PLCZ1: variants seen among roughly 807,000 people sequenced by gnomAD.
PLCZ1 encodes the protein phospholipase C zeta 1, also known as 1-phosphatidylinositol 4,5-bisphosphate phosphodiesterase zeta-1.
In PLCZ1, 64 loss-of-function variants were observed where a neutral mutation model predicts 76.8. That is an observed-to-expected ratio of 0.83 (90% CI 0.68 to 1.03). The LOEUF is 1.03. Ranked by LOEUF, PLCZ1 falls within the 50% of genes least tolerant of loss-of-function variation. The pLI is 0.00. For missense variants in PLCZ1, 751 were observed against 713.7 expected (o/e 1.05, Z -0.60); for synonymous variants, 248 against 230.8 (o/e 1.07, Z -0.68).
chr12:18,688,261 AGTTAC>A, intron 12 of PLCZ1, 43 bp from the exon 13 acceptor site: 1 of 1,557,608 alleles, frequency 6.4e-7, no homozygotes, highest in Non-Finnish European at 8.7e-7. Flanking sequence ...CAAGATATTA[AGTTAC>A]ATCACCATTT....
chr12:18,723,217 T>A, intron 4 of PLCZ1, 94 bp downstream of exon 4: 1 of 1,121,178 alleles, frequency 8.9e-7, no homozygotes, highest in Non-Finnish European at 1.3e-6. Context: ...ATAACCACAA[T>A]TCATAAAAAT....
chr12:18,704,157 G>A (rs1253014722), intron 7 of PLCZ1, among the ~76,000 whole-genome samples: 1 of 152,084 alleles, frequency 6.6e-6, no homozygotes, highest in Non-Finnish European at 1.5e-5. Flanking sequence ...ATGTTAATGA[G>A]AGGACAACCA....
At chr12:18,659,740 T>G in the PLCZ1 span, among the ~76,000 whole-genome samples, 1 of 150,542 alleles carries the variant, frequency 6.6e-6, no homozygotes, top group African/African-American at 2.4e-5. Flanking sequence ...TTGTTAAATA[T>G]GTATACACGT....
chr12:18,696,671 C>T (rs1955093325), intron 10 of PLCZ1, among the ~76,000 whole-genome samples: 3 of 151,956 alleles, frequency 2.0e-5, no homozygotes, highest in Admixed American at 2.0e-4. Context: ...TTGATTTTCA[C>T]AGTAGGGCAG....
At chr12:18,728,962 T>C (rs138153738) in intron 3 of PLCZ1, among the ~76,000 whole-genome samples, 2 of 152,016 alleles carry the variant, frequency 1.3e-5, no homozygotes, top group South Asian at 2.1e-4. Flanking sequence ...TGATTCCAGG[T>C]AGCGGATTTG....
At chr12:18,674,215 T>A in the PLCZ1 span, among the ~76,000 whole-genome samples, 1 of 152,332 alleles carries the variant, frequency 6.6e-6, no homozygotes, top group African/African-American at 2.4e-5. Context: ...CTTTTAAATA[T>A]AAGCCACATA....
At chr12:18,718,907 T>C (rs1374500245) in intron 5 of PLCZ1, among the ~76,000 whole-genome samples, 4 of 152,196 alleles carry the variant, frequency 2.6e-5, no homozygotes, top group Non-Finnish European at 4.4e-5. Flanking sequence ...TTGTTAGGTA[T>C]AAAATCAGCA....
At chr12:18,692,955 T>G in intron 12 of PLCZ1, 3 of 1,474,844 alleles carry the variant, frequency 2.0e-6, no homozygotes, top group Non-Finnish European at 2.8e-6. Context: ...TCAGTGCCAG[T>G]TAAAATTACT....
intron 3 of PLCZ1, among the ~76,000 whole-genome samples, chr12:18,724,678 C>G (rs1958648258): frequency 6.6e-6 from 1 of 151,994 alleles, no homozygotes; most frequent in African/African-American, 2.4e-5. Flanking sequence ...TAACATGCTT[C>G]AACTTACTGT....
At chr12:18,680,811 T>C (rs1952338765), downstream of PLCZ1, among the ~76,000 whole-genome samples, 1 of 152,004 alleles carries the variant, frequency 6.6e-6, no homozygotes, top group African/African-American at 2.4e-5. Context: ...GATTAAATGA[T>C]CTGGGGGAGA....
In PLCZ1 at chr12:18,693,719, C is replaced by A. The variant is rs548415944; in HGVS notation, c.1461+1191G>T. 6.0e-4 allele frequency: 931 copies of A among 1,551,532 alleles called. 1 individual carries two copies. The highest frequency in any genetic ancestry group is 7.7e-4 in the Non-Finnish European group (869 of 1,124,188). On this transcript the variant is annotated intron_variant, in intron 12 of 14. Transcript: ENST00000266505. Reference sequence around the variant, plus strand: ...GCGAACAACGTTGGAACTGCTGAACCAGTTGGATGGATTTGATTCTAGGGT... The same window carrying A: ...GCGAACAACGTTGGAACTGCTGAACAAGTTGGATGGATTTGATTCTAGGGT...
chr12:18,722,501 G>A (rs1192186682), intron 4 of PLCZ1, among the ~76,000 whole-genome samples: 1 of 152,002 alleles, frequency 6.6e-6, no homozygotes, highest in African/African-American at 2.4e-5. Flanking sequence ...GGCAAAACTA[G>A]AACTTTCATA....
At chr12:18,725,402 A>G (rs926671033) in intron 3 of PLCZ1, among the ~76,000 whole-genome samples, 1 of 152,162 alleles carries the variant, frequency 6.6e-6, no homozygotes, top group Admixed American at 6.5e-5. Flanking sequence ...AAGCACAAAA[A>G]TCTTAGGTAA....
rs1468745851 is a variant in PLCZ1, at chr12:18,696,190, A to T, written c.1251T>A (p.Asn417Lys). Reference sequence around the variant, plus strand: ...TATTCCAAAATTCTTGGGGATTAAAATTAGAAGAGTCTGCTCTTGTTGCTT... The same window carrying T: ...TATTCCAAAATTCTTGGGGATTAAATTTAGAAGAGTCTGCTCTTGTTGCTT... ...YPKATRADSS[N>K]FNPQEFWNIG... The change falls in exon 11 of 15, where the codon AAT (asparagine) becomes AAA (lysine). Residue 417 changes from asparagine to lysine, a missense_variant. Coordinates refer to ENST00000266505, the MANE Select transcript of PLCZ1 (RefSeq NM_033123.4). 4 of 1,597,170 alleles carry T rather than the reference A, an allele frequency of 2.5e-6. No individual in the cohort carries two copies. Among genetic ancestry groups the T allele is most frequent in the Non-Finnish European group, 3.4e-6 (4 of 1,167,558 alleles).
At chr12:18,737,773 C>T (rs1959567063) in intron 1 of PLCZ1, 159 bp downstream of exon 1, 2 of 337,294 alleles carry the variant, frequency 5.9e-6, no homozygotes, top group African/African-American at 4.2e-5. Context: ...TCAAACCTTT[C>T]ATCATAATAT....
intron 9 of PLCZ1, 42 bp from the exon 10 acceptor site, chr12:18,699,992 A>G (rs755586955): frequency 6.4e-7 from 1 of 1,559,740 alleles, no homozygotes; most frequent in Non-Finnish European, 8.7e-7. Flanking sequence ...TATGCTAATC[A>G]TTGGGAAAAA....
At chr12:18,708,356 T>C (rs1956880916) in intron 6 of PLCZ1, among the ~76,000 whole-genome samples, 1 of 151,660 alleles carries the variant, frequency 6.6e-6, no homozygotes, top group Non-Finnish European at 1.5e-5. Context: ...TCATTCTTTG[T>C]AAAGACTGAA....
intron 3 of PLCZ1, among the ~76,000 whole-genome samples, chr12:18,729,240 C>T (rs1317440065): frequency 6.6e-6 from 1 of 151,816 alleles, no homozygotes; most frequent in Admixed American, 6.6e-5. Context: ...TATTTGATTA[C>T]TTTTTATTCT....
intron 5 of PLCZ1, among the ~76,000 whole-genome samples, chr12:18,716,517 T>C (rs566110553): frequency 6.6e-6 from 1 of 152,200 alleles, no homozygotes; most frequent in Non-Finnish European, 1.5e-5. Flanking sequence ...TATTTAACTT[T>C]GAGCCTTTTT....
Sources: allele counts gnomAD v4.1 joint callset (sites outside exome capture counted in the v4.1 genomes callset), GRCh38; gene constraint gnomAD v4.1.1; transcripts MANE v1.5; gene names NCBI Gene and HGNC (gene_info 2026-07-23, HGNC 2026-07-21).